ANXA2: variants seen among roughly 807,000 people sequenced by gnomAD.
ANXA2 encodes annexin II.
ANXA2 carries 28 observed loss-of-function variants against 47.3 expected under a neutral mutation model. The ratio of observed to expected loss-of-function variants is 0.59; its 90% CI spans 0.44 to 0.81. ANXA2 has a LOEUF of 0.81. Among genes scored for constraint, ANXA2 ranks in the 40% least tolerant of loss-of-function variants. The pLI, the probability that ANXA2 is intolerant of heterozygous loss-of-function variation, is 0.00. For synonymous variants in ANXA2, 172 were observed against 155.5 expected (o/e 1.11, Z -0.79); for missense variants, 384 against 414.3 (o/e 0.93, Z 0.64).
At chr15:60,377,841 A>G (rs1027832307) in intron 3 of ANXA2, among the ~76,000 whole-genome samples, 3 of 152,064 alleles carry the variant, frequency 2.0e-5, no homozygotes, top group Non-Finnish European at 2.9e-5. Flanking sequence ...TAATCCCAGC[A>G]CTTTCGGAGG....
intron 1 of ANXA2, among the ~76,000 whole-genome samples, chr15:60,394,040 A>G (rs2063049337): frequency 6.6e-6 from 1 of 152,064 alleles, no homozygotes; most frequent in Non-Finnish European, 1.5e-5. Context: ...ACTTCTGCAA[A>G]TCTTAGCAAA....
intron 1 of ANXA2, chr15:60,391,280 G>GATTA (rs1255881843): frequency 6.6e-6 from 1 of 152,306 alleles, no homozygotes; most frequent in African/African-American, 2.4e-5. Flanking sequence ...AAGACACAGA[G>GATTA]AGAAAGATCA....
chr15:60,366,519 G>C (rs2062607646), intron 3 of ANXA2, among the ~76,000 whole-genome samples: 1 of 151,508 alleles, frequency 6.6e-6, no homozygotes, highest in East Asian at 2.0e-4. Flanking sequence ...GAGATGAGGA[G>C]CGTCTCTGCC....
intron 7 of ANXA2, 93 bp from the exon 8 acceptor site, chr15:60,354,306 A>T (rs1314192826): frequency 9.8e-7 from 1 of 1,023,374 alleles, no homozygotes; most frequent in African/African-American, 1.6e-5. Context: ...GCCATTATTT[A>T]ATTTCCTAAA....
rs777376759 is a variant in ANXA2 at position 60,355,886 on chromosome 15, A to C, written c.528+33T>G. ...AGGTATGTGACTTGCCTTGGGAGGA[A>C]GCAAGGGCAAAGAAAGAAACTGGGA... On this transcript the variant is annotated intron_variant, in intron 7 of 12. Coordinates refer to ENST00000451270, the MANE Select transcript of ANXA2 (RefSeq NM_004039.3). The C allele has an allele frequency of 7.7e-6, 12 of 1,567,604 alleles. No individual in the cohort carries two copies. In the East Asian group the frequency reaches 2.7e-4, roughly 35 times the overall value.
chr15:60,392,746 C>T (rs1005079835), intron 1 of ANXA2, among the ~76,000 whole-genome samples: 2 of 152,206 alleles, frequency 1.3e-5, no homozygotes, highest in Admixed American at 6.5e-5. Flanking sequence ...ACAGTTTAAA[C>T]GTGGAGTGTT....
Position 60,347,574 on chromosome 15 carries a change from C to A in ANXA2, c.*56G>T, listed in dbSNP as rs11553796. The stretch of plus-strand genomic sequence containing the variant: ...TTATTCGCAAGCTGGTTTTCTAGAC[C>A]TGTTAGCTGGAAGCATGGTGAGCAC... On this transcript the variant is annotated 3_prime_UTR_variant, in exon 13 of 13. Coordinates refer to ENST00000451270, the MANE Select transcript of ANXA2 (RefSeq NM_004039.3). 88 of 1,576,302 alleles carry A rather than the reference C, an allele frequency of 5.6e-5. No individual in the cohort carries two copies. The highest frequency in any genetic ancestry group is 7.5e-5 in the Non-Finnish European group (86 of 1,146,164).
chr15:60,349,013 A>C, intron 12 of ANXA2, 62 bp downstream of exon 12: 1 of 1,598,888 alleles, frequency 6.3e-7, no homozygotes, highest in Non-Finnish European at 8.6e-7. Context: ...CTGCCAGGCC[A>C]CCTGCCAGGG....
intron 4 of ANXA2, 96 bp downstream of exon 4, chr15:60,364,333 T>G (rs759812350): frequency 1.2e-5 from 11 of 942,846 alleles, no homozygotes; most frequent in Non-Finnish European, 1.8e-5. Flanking sequence ...ACAAGTCTTT[T>G]GCGCATGAGA....
At chr15:60,364,344 G>A in intron 4 of ANXA2, 85 bp downstream of exon 4, 1 of 1,075,622 alleles carries the variant, frequency 9.3e-7, no homozygotes, top group Middle Eastern at 2.8e-4. Flanking sequence ...GCGCATGAGA[G>A]CCACAATTCA....
intron 3 of ANXA2, among the ~76,000 whole-genome samples, chr15:60,365,220 A>C (rs1157544456): frequency 6.6e-6 from 1 of 151,900 alleles, no homozygotes; most frequent in East Asian, 1.9e-4. Flanking sequence ...ATTAAATCTA[A>C]ATTGGGAGTT....
intron 5 of ANXA2, 24 bp downstream of exon 5, chr15:60,360,917 A>G: frequency 7.1e-7 from 1 of 1,401,642 alleles, no homozygotes; most frequent in Non-Finnish European, 1.0e-6. Flanking sequence ...GATTTGACAG[A>G]GATGACATCT....
At chr15:60,367,940 G>A (rs1201429030) in intron 3 of ANXA2, among the ~76,000 whole-genome samples, 3 of 78,674 alleles carry the variant, frequency 3.8e-5, no homozygotes, top group Admixed American at 1.4e-4. Flanking sequence ...AGTAGACATG[G>A]GAGACTTTTC....
chr15:60,382,465 T>A (rs1469884333), intron 2 of ANXA2, 24 bp from the exon 3 acceptor site: 9 of 1,493,072 alleles, frequency 6.0e-6, no homozygotes, highest in Admixed American at 1.7e-5. Context: ...ATAAACATAC[T>A]CAAATGACAC....
intron 1 of ANXA2, chr15:60,386,863 C>A (rs1204480295): frequency 6.6e-6 from 1 of 152,114 alleles, no homozygotes; most frequent in African/African-American, 2.4e-5. Flanking sequence ...AAATTTATCT[C>A]AACAGAGACA....
chr15:60,361,117 C>T (rs2062506205), intron 4 of ANXA2, 63 bp from the exon 5 acceptor site: 3 of 1,152,810 alleles, frequency 2.6e-6, no homozygotes, highest in Non-Finnish European at 3.9e-6. Context: ...GTGAGTAAAA[C>T]AAAAGTAAGA....
In ANXA2 at chr15:60,347,517, C is replaced by A; in HGVS notation, c.*113G>T. 1.0e-6 allele frequency: 1 copy of A among 1,001,016 alleles called. No individual in the cohort carries two copies. The highest frequency in any genetic ancestry group is 1.6e-6 in the Non-Finnish European group (1 of 644,954). 62.0% of individuals were successfully genotyped at this position (1,001,016 alleles called of 1,614,324 possible). A position where few individuals can be genotyped will look rare whatever the true frequency, so the allele number is the denominator to read the frequency against. On this transcript the variant is annotated 3_prime_UTR_variant, in exon 13 of 13. Coordinates refer to ENST00000451270, the MANE Select transcript of ANXA2 (RefSeq NM_004039.3). ...AAAATGAGGTTGGGGGTAATGCTAA[C>A]GTCACCCTCACAGGGATGGCCACGG...
intron 3 of ANXA2, among the ~76,000 whole-genome samples, chr15:60,366,040 G>T (rs1260225353): frequency 5.4e-4 from 74 of 136,758 alleles, no homozygotes; most frequent in African/African-American, 2.0e-3. Flanking sequence ...TGGTGGAGAC[G>T]GGGTTTCGCT....
At chr15:60,367,284 G>T (rs1383640697) in intron 3 of ANXA2, among the ~76,000 whole-genome samples, 10 of 121,632 alleles carry the variant, frequency 8.2e-5, no homozygotes, top group African/African-American at 1.6e-4. Context: ...TCAGCCCCCC[G>T]CCCGGCCAGC....
Sources: allele counts gnomAD v4.1 joint callset (sites outside exome capture counted in the v4.1 genomes callset), GRCh38; gene constraint gnomAD v4.1.1; transcripts MANE v1.5; gene names NCBI Gene and HGNC (gene_info 2026-07-23, HGNC 2026-07-21).